MAP1B: variants seen among roughly 807,000 people sequenced by gnomAD.
MAP1B encodes microtubule-associated protein 1B.
Under a neutral mutation model 176.1 loss-of-function variants are expected in MAP1B, and 12 were observed. That is an observed-to-expected ratio of 0.07 (90% CI 0.04 to 0.11). The LOEUF (loss-of-function observed/expected upper bound fraction) is 0.11. Among genes scored for constraint, MAP1B ranks in the 10% least tolerant of loss-of-function variants. MAP1B has a pLI of 1.00. For synonymous variants in MAP1B, 1,044 were observed against 1,135.0 expected, an observed-to-expected ratio of 0.92 and a Z score of 1.61; for missense variants, 2,523 against 2,990.5, an observed-to-expected ratio of 0.84 and a Z score of 3.65.
At chr5:72,121,172 G>C (rs576965459) in intron 2 of MAP1B, among the ~76,000 whole-genome samples, 1 of 152,208 alleles carries the variant, frequency 6.6e-6, no homozygotes, top group South Asian at 2.1e-4. Context: ...GTCAGGGAAC[G>C]TGTGCACAGT....
chr5:72,138,700 A>G (rs932295539), intron 2 of MAP1B, among the ~76,000 whole-genome samples: 8 of 152,218 alleles, frequency 5.3e-5, no homozygotes, highest in Admixed American at 3.9e-4. Flanking sequence ...ATTATAAACC[A>G]TATCTTCGAA....
At chr5:72,188,253 T>G (rs1054330638) in intron 4 of MAP1B, among the ~76,000 whole-genome samples, 2 of 152,238 alleles carry the variant, frequency 1.3e-5, no homozygotes, top group African/African-American at 4.8e-5. Context: ...CCCATGTGCA[T>G]GTTGTACCCG....
At chr5:72,200,525 A>G (rs573665276) in intron 5 of MAP1B, among the ~76,000 whole-genome samples, 158 bp downstream of exon 5, 1 of 152,326 alleles carries the variant, frequency 6.6e-6, no homozygotes, top group Admixed American at 6.5e-5. Flanking sequence ...AAAGGTATAT[A>G]TCTCAGTCCA....
At chr5:72,114,765 G>A (rs1305568923) in intron 1 of MAP1B, among the ~76,000 whole-genome samples, 1 of 152,194 alleles carries the variant, frequency 6.6e-6, no homozygotes, top group Non-Finnish European at 1.5e-5. Context: ...GAGGAGGAAG[G>A]AAGAGGCTAG....
intron 2 of MAP1B, among the ~76,000 whole-genome samples, chr5:72,168,643 C>T (rs1746479259): frequency 6.6e-6 from 1 of 152,086 alleles, no homozygotes; most frequent in African/African-American, 2.4e-5. Context: ...CCCCAAAGTC[C>T]CCAGATTATT....
At chr5:72,115,055 A>G (rs1261912609) in intron 1 of MAP1B, among the ~76,000 whole-genome samples, 2 of 152,228 alleles carry the variant, frequency 1.3e-5, no homozygotes, top group African/African-American at 2.4e-5. Context: ...GTAACAGAAA[A>G]GTGCCTGGAA....
chr5:72,153,853 C>T (rs985316108), intron 2 of MAP1B, among the ~76,000 whole-genome samples: 3 of 151,998 alleles, frequency 2.0e-5, no homozygotes, highest in Non-Finnish European at 4.4e-5. Context: ...CAGTGTTGCA[C>T]AAAGACATTC....
intron 4 of MAP1B, among the ~76,000 whole-genome samples, chr5:72,192,662 G>A (rs1208648439): frequency 6.6e-6 from 1 of 152,192 alleles, no homozygotes; most frequent in Non-Finnish European, 1.5e-5. Flanking sequence ...GCTCAGGGAT[G>A]CCTGGACCAA....
intron 2 of MAP1B, among the ~76,000 whole-genome samples, chr5:72,144,569 T>C (rs1002935248): frequency 6.6e-6 from 1 of 152,038 alleles, no homozygotes; most frequent in African/African-American, 2.4e-5. Flanking sequence ...AATTTTTTAA[T>C]TTTTTTGTAG....
chr5:72,175,352 T>TTTTTTA (rs974300864), intron 2 of MAP1B, among the ~76,000 whole-genome samples: 1 of 152,080 alleles, frequency 6.6e-6, no homozygotes, highest in Non-Finnish European at 1.5e-5. Flanking sequence ...TCCATGTGCC[T>TTTTTTA]TTTTTATTTT....
Position 72,194,214 on chromosome 5 carries a change from G to A in MAP1B, c.859G>A (p.Gly287Arg). 6.2e-7 allele frequency: 1 copy of A among 1,614,148 alleles called. No individual in the cohort carries two copies. Among genetic ancestry groups the A allele is most frequent in the Non-Finnish European group, 8.5e-7 (1 of 1,180,032 alleles). Residue 287 changes from glycine to arginine, a missense_variant, in exon 5 of 7, where the codon GGA becomes AGA. Around this residue, in one of 4 missense-constraint regions of MAP1B, gnomAD observed 307 missense variants for 438.4 expected, o/e 0.70. Transcript: ENST00000296755. This position sits in a 1 kb window ranked among gnomAD's most constrained non-coding sequence, Gnocchi z 7.2. The part of the protein sequence containing the change: ...VNGFNMLING[G>R]SERKSCFWKL... ...TGGTTTCAATATGCTCATCAATGGC[G>A]GATCAGAGAGAAAATCCTGCTTCTG... is the stretch of plus-strand genomic sequence containing the variant.
Position 72,207,913 on chromosome 5 carries a change from G to A in MAP1B, c.*2674G>A, listed in dbSNP as rs1747486941. ...AAACATTGTAGGAGAATTATAGCCAGTCTTCAGTTATAACCACTCCACCCT... is the reference window on the plus strand; with the variant it reads ...AAACATTGTAGGAGAATTATAGCCAATCTTCAGTTATAACCACTCCACCCT... On this transcript the variant is annotated 3_prime_UTR_variant, in exon 7 of 7. Transcript: ENST00000296755. 1 of 148,622 alleles carries A rather than the reference G, an allele frequency of 6.7e-6. No individual in the cohort carries two copies. The highest frequency in any genetic ancestry group is 2.5e-5 in the African/African-American group (1 of 40,132). The allele number at this position is 148,622 out of a possible 1,614,324, so 9.2% of individuals were successfully genotyped here.
intron 2 of MAP1B, among the ~76,000 whole-genome samples, chr5:72,125,656 C>T (rs1276632308): frequency 6.6e-6 from 1 of 152,098 alleles, no homozygotes; most frequent in Non-Finnish European, 1.5e-5. Context: ...TCTGTAAATT[C>T]TATTTGTTCA....
In MAP1B at chr5:72,207,595, G is replaced by A. The variant is rs1489587235; in HGVS notation, c.*2356G>A. ...GGAAAATAACATATTAAGGGTACAA[G>A]AAATTAACACATGATGGAAAAGTCA... On this transcript the variant is annotated 3_prime_UTR_variant, in exon 7 of 7. Coordinates refer to ENST00000296755, the MANE Select transcript of MAP1B (RefSeq NM_005909.5). 1 of 152,120 alleles carries A rather than the reference G, an allele frequency of 6.6e-6. No individual in the cohort carries two copies. Among genetic ancestry groups the A allele is most frequent in the East Asian group, 1.9e-4 (1 of 5,198 alleles). 9.4% of individuals were successfully genotyped at this position (152,120 alleles called of 1,614,324 possible).
At chr5:72,150,048 T>G (rs1746114483) in intron 2 of MAP1B, among the ~76,000 whole-genome samples, 1 of 152,206 alleles carries the variant, frequency 6.6e-6, no homozygotes, top group Non-Finnish European at 1.5e-5. Context: ...CCTAGGCCAT[T>G]TCCGCATCTT....
At chr5:72,164,826 G>C (rs930435546) in intron 2 of MAP1B, among the ~76,000 whole-genome samples, 2 of 151,914 alleles carry the variant, frequency 1.3e-5, no homozygotes, top group Non-Finnish European at 2.9e-5. Flanking sequence ...TACTTGCAAG[G>C]GTATTTTGTT....
chr5:72,118,525 G>A (rs945336259), intron 2 of MAP1B, among the ~76,000 whole-genome samples: 1 of 152,182 alleles, frequency 6.6e-6, no homozygotes, highest in Admixed American at 6.5e-5. Flanking sequence ...TCTTGTGAGA[G>A]GAGAAGGCAT....
rs1561317004 is a variant in MAP1B, at chr5:72,198,467, A to G, written c.5112A>G (p.Pro1704=). The part of the protein sequence containing the change: ...MQDSSLSHKI[P]PMEEPSYTQD... Reference sequence around the variant, plus strand: ...ACTCCAGTTTATCACATAAGATACCACCTATGGAGGAGCCGTCCTACACCC... The same window carrying G: ...ACTCCAGTTTATCACATAAGATACCGCCTATGGAGGAGCCGTCCTACACCC... The change falls in exon 5 of 7, where the codon CCA becomes CCG. Residue 1704 remains proline (P), a synonymous_variant. Coordinates refer to ENST00000296755, the MANE Select transcript of MAP1B (RefSeq NM_005909.5). 6.2e-7 allele frequency: 1 copy of G among 1,613,712 alleles called. No individual in the cohort carries two copies. Among genetic ancestry groups the G allele is most frequent in the Non-Finnish European group, 8.5e-7 (1 of 1,179,978 alleles).
intron 2 of MAP1B, among the ~76,000 whole-genome samples, chr5:72,172,896 C>G (rs1270104643): frequency 3.3e-5 from 5 of 152,196 alleles, no homozygotes; most frequent in African/African-American, 4.8e-5. Context: ...ATCTGGAGAT[C>G]CTACAGGGAC....
Sources: allele counts gnomAD v4.1 joint callset (sites outside exome capture counted in the v4.1 genomes callset), GRCh38; gene constraint gnomAD v4.1.1; regional missense constraint gnomAD v4.1.1; non-coding constraint Gnocchi (gnomAD v3.1); transcripts MANE v1.5; gene names NCBI Gene and HGNC (gene_info 2026-07-23, HGNC 2026-07-21).